DIPK1A: variants seen among roughly 807,000 people sequenced by gnomAD.
The protein encoded by DIPK1A is family with sequence similarity 69 member A.
Under a neutral mutation model 40.8 loss-of-function variants are expected in DIPK1A, and 27 were observed. The observed-to-expected ratio is 0.66, with a 90% CI of 0.49 to 0.91. The LOEUF (loss-of-function observed/expected upper bound fraction) is 0.91, where lower values mean the gene tolerates loss of function less well. Among genes scored for constraint, DIPK1A ranks in the 40% least tolerant of loss-of-function variants. The pLI is 0.00. For synonymous variants in DIPK1A, 166 were observed against 171.3 expected (o/e 0.97, Z 0.24); for missense variants, 412 against 505.7 (o/e 0.81, Z 1.78).
intron 1 of DIPK1A, among the ~76,000 whole-genome samples, chr1:92,937,141 A>T (rs938311533): frequency 1.5e-4 from 23 of 152,302 alleles, no homozygotes; most frequent in Non-Finnish European, 2.9e-4. Flanking sequence ...GTAAGGTACT[A>T]GAAAAAAGGA....
intron 1 of DIPK1A, among the ~76,000 whole-genome samples, chr1:92,927,161 T>G (rs541427073): frequency 8.5e-5 from 13 of 152,298 alleles, no homozygotes; most frequent in African/African-American, 3.1e-4. Context: ...TTCACCCATT[T>G]AAAGTATAGA....
downstream of DIPK1A, chr1:92,840,927 T>C: frequency 1.9e-6 from 1 of 521,638 alleles, no homozygotes; most frequent in African/African-American, 1.9e-5. Flanking sequence ...GATCTTTAAA[T>C]GGAATAGAAA....
At chr1:92,870,097 C>G (rs2100764022) in intron 2 of DIPK1A, among the ~76,000 whole-genome samples, 1 of 152,140 alleles carries the variant, frequency 6.6e-6, no homozygotes, top group East Asian at 1.9e-4. Context: ...CACACACACA[C>G]ACACACACAC....
intron 1 of DIPK1A, among the ~76,000 whole-genome samples, chr1:92,887,119 A>G (rs1648639294): frequency 6.6e-6 from 1 of 151,902 alleles, no homozygotes; most frequent in Non-Finnish European, 1.5e-5. Flanking sequence ...TTAGATGCAA[A>G]TAAAAGTATG....
intron 1 of DIPK1A, among the ~76,000 whole-genome samples, chr1:92,897,563 G>T (rs929401726): frequency 6.6e-6 from 1 of 151,064 alleles, no homozygotes; most frequent in Admixed American, 6.6e-5. Context: ...GTTAAATGAC[G>T]AGTTAATGGG....
downstream of DIPK1A, among the ~76,000 whole-genome samples, chr1:92,838,660 A>G (rs928944624): frequency 1.3e-5 from 2 of 152,204 alleles, no homozygotes; most frequent in African/African-American, 4.8e-5. Flanking sequence ...TGTGTCTCCA[A>G]CAGGAGGTGG....
chr1:92,916,364 C>T (rs1650054771), intron 1 of DIPK1A, among the ~76,000 whole-genome samples: 1 of 147,408 alleles, frequency 6.8e-6, no homozygotes, highest in South Asian at 2.1e-4. Flanking sequence ...TGCAATGGCT[C>T]AATCTAGGCT....
At chr1:92,949,318 A>C (rs1651535698) in intron 1 of DIPK1A, among the ~76,000 whole-genome samples, 1 of 152,022 alleles carries the variant, frequency 6.6e-6, no homozygotes, top group African/African-American at 2.4e-5. Flanking sequence ...CTTGTTGCCC[A>C]GGCTGGAGTG....
chr1:92,873,818 C>T (rs1376728290), intron 2 of DIPK1A, among the ~76,000 whole-genome samples: 1 of 152,080 alleles, frequency 6.6e-6, no homozygotes, highest in Admixed American at 6.5e-5. Context: ...TTTAAGGGAT[C>T]CTCCCACCTC....
intron 2 of DIPK1A, among the ~76,000 whole-genome samples, chr1:92,863,838 GTC>G (rs1439635835): frequency 2.0e-5 from 3 of 151,946 alleles, no homozygotes; most frequent in African/African-American, 7.3e-5. Flanking sequence ...CTCACTTAAG[GTC>G]GGTCAGGAGT....
chr1:92,840,906 T>C (rs1191554795), downstream of DIPK1A: 3 of 567,954 alleles, frequency 5.3e-6, no homozygotes, highest in African/African-American at 5.6e-5. Flanking sequence ...TTTGTTGATC[T>C]TTCATGTTTT....
chr1:92,838,004 G>T (rs1687193944), downstream of DIPK1A, among the ~76,000 whole-genome samples: 7 of 152,312 alleles, frequency 4.6e-5, no homozygotes, highest in South Asian at 1.4e-3. Flanking sequence ...TCTCAGACAT[G>T]TACACAGGAA....
At chr1:92,924,168 A>C (rs1650388631) in intron 1 of DIPK1A, among the ~76,000 whole-genome samples, 1 of 152,220 alleles carries the variant, frequency 6.6e-6, no homozygotes, top group South Asian at 2.1e-4. Flanking sequence ...AAGTAAAAAC[A>C]GTTAATTTTT....
At chr1:92,929,961 T>C (rs1010268717) in intron 1 of DIPK1A, among the ~76,000 whole-genome samples, 1 of 152,206 alleles carries the variant, frequency 6.6e-6, no homozygotes, top group African/African-American at 2.4e-5. Flanking sequence ...AACGTGGTCC[T>C]GGGCTTCACT....
intron 4 of DIPK1A, chr1:92,845,540 T>TTA: frequency 4.1e-6 from 1 of 246,866 alleles, no homozygotes; most frequent in Admixed American, 5.8e-5. Flanking sequence ...CCGTCTCTGC[T>TTA]GAAAAAAAAA....
chr1:92,838,732 G>A (rs1261039603), downstream of DIPK1A, among the ~76,000 whole-genome samples: 1 of 152,164 alleles, frequency 6.6e-6, no homozygotes, highest in Non-Finnish European at 1.5e-5. Context: ...GAAGGAACTG[G>A]GTTGCTTAGA....
At chr1:92,835,500 G>GAA (rs560861965) in intron 4 of DIPK1A, among the ~76,000 whole-genome samples, 31 of 129,306 alleles carry the variant, frequency 2.4e-4, no homozygotes, top group African/African-American at 7.3e-4. Context: ...TAAAAAAGTA[G>GAA]AAAAAAAAAA....
chr1:92,834,497 T>C (rs565831571), intron 4 of DIPK1A, among the ~76,000 whole-genome samples: 9 of 152,320 alleles, frequency 5.9e-5, no homozygotes, highest in Admixed American at 4.6e-4. Flanking sequence ...TGTGAAGGCA[T>C]TGTCTTCCTC....
chr1:92,934,747 A>C (rs1249193039), intron 1 of DIPK1A, among the ~76,000 whole-genome samples: 2 of 152,152 alleles, frequency 1.3e-5, no homozygotes, highest in Non-Finnish European at 2.9e-5. Context: ...CTTCTTTTTC[A>C]CTAAACTGTG....
Sources: allele counts gnomAD v4.1 joint callset (sites outside exome capture counted in the v4.1 genomes callset), GRCh38; gene constraint gnomAD v4.1.1; transcripts MANE v1.5; gene names NCBI Gene and HGNC (gene_info 2026-07-23, HGNC 2026-07-21).